CMTM8: variants seen among roughly 807,000 people sequenced by gnomAD.
The protein encoded by CMTM8 is CKLF-like MARVEL transmembrane domain-containing protein 8.
A neutral mutation model predicts 18.6 loss-of-function variants in CMTM8; 12 were observed. The ratio of observed to expected loss-of-function variants is 0.65; its 90% CI spans 0.41 to 1.05. The LOEUF is 1.05. CMTM8 is among the 50% of genes least tolerant of loss of function. The probability of loss-of-function intolerance (pLI) is 0.00; values close to 1 mark genes in which losing one functional copy is unlikely to be tolerated. For missense variants in CMTM8, 217 were observed against 227.2 expected (o/e 0.95, Z 0.29); for synonymous variants, 87 against 90.6 (o/e 0.96, Z 0.23).
intron 1 of CMTM8, among the ~76,000 whole-genome samples, chr3:32,336,455 G>A (rs1434181163): frequency 6.6e-6 from 1 of 152,242 alleles, no homozygotes; most frequent in Non-Finnish European, 1.5e-5. Flanking sequence ...TTCAGCCAGG[G>A]CTCCAGCAGC....
intron 1 of CMTM8, chr3:32,259,099 T>C (rs1702216998): frequency 2.6e-6 from 1 of 391,710 alleles, no homozygotes; most frequent in Non-Finnish European, 4.9e-6. Flanking sequence ...CACCGTGTCC[T>C]GCTCCACCAG....
chr3:32,298,957 T>TATATA (rs34793108), intron 1 of CMTM8, among the ~76,000 whole-genome samples: 3 of 111,774 alleles, frequency 2.7e-5, no homozygotes, highest in African/African-American at 9.8e-5. Flanking sequence ...ATATATATAT[T>TATATA]TTTTTTTTTT....
rs1395750514 is a variant in CMTM8 at position 32,358,402 on chromosome 3, G to C, written c.321+856G>C. Among the ~76,000 whole-genome samples the C allele has an allele frequency of 1.3e-5, 2 of 152,204 alleles. No individual in the cohort carries two copies. Among genetic ancestry groups the C allele is most frequent in the Non-Finnish European group, 2.9e-5 (2 of 68,036 alleles). ...TAAATGATTTACAAAAAAAATCCCA[G>C]TGGTACCACATGTGTTTATGTATAA... On this transcript the variant is annotated intron_variant, in intron 2 of 3. Transcript: ENST00000307526. The surrounding 1 kb of genome is among the most constrained non-coding windows in gnomAD (Gnocchi z 4.1).
At chr3:32,365,137 A>C (rs1305420034) in intron 2 of CMTM8, among the ~76,000 whole-genome samples, 1 of 152,172 alleles carries the variant, frequency 6.6e-6, no homozygotes, top group Non-Finnish European at 1.5e-5. Flanking sequence ...CTTAGATAGG[A>C]GTAAACTCTC....
chr3:32,348,687 G>A (rs1406468595), intron 1 of CMTM8, among the ~76,000 whole-genome samples: 2 of 151,770 alleles, frequency 1.3e-5, no homozygotes, highest in Non-Finnish European at 2.9e-5. Flanking sequence ...TTTTGGTAGA[G>A]ATGGGGTTTT....
At chr3:32,263,287 A>T (rs11710883) in intron 1 of CMTM8, among the ~76,000 whole-genome samples, 151,421 of 152,292 alleles carry the variant, frequency 0.99, 75,291 homozygotes, top group Middle Eastern at 1. Context: ...CAACGTTTGC[A>T]TTTCACCAAT....
At chr3:32,291,819 A>G (rs1702783486) in intron 1 of CMTM8, among the ~76,000 whole-genome samples, 1 of 152,342 alleles carries the variant, frequency 6.6e-6, no homozygotes, top group South Asian at 2.1e-4. Context: ...CTGGGTCCCA[A>G]GCCCTGCCTC....
chr3:32,332,041 C>T (rs942506074), intron 1 of CMTM8, among the ~76,000 whole-genome samples: 2 of 150,114 alleles, frequency 1.3e-5, no homozygotes, highest in African/African-American at 2.5e-5. Context: ...CACACGCGCA[C>T]ACACACACAC....
At chr3:32,282,311 A>T (rs564539279) in intron 1 of CMTM8, among the ~76,000 whole-genome samples, 1 of 152,314 alleles carries the variant, frequency 6.6e-6, no homozygotes, top group South Asian at 2.1e-4. Flanking sequence ...ATTAAAAGAG[A>T]TTTATGAGAT....
intron 3 of CMTM8, among the ~76,000 whole-genome samples, chr3:32,369,633 T>A (rs538436844): frequency 6.6e-6 from 1 of 152,324 alleles, no homozygotes; most frequent in South Asian, 2.1e-4. Context: ...GCCGCCGTAT[T>A]CACTCCTAAG....
intron 1 of CMTM8, among the ~76,000 whole-genome samples, chr3:32,285,987 G>A (rs529174534): frequency 1.5e-3 from 221 of 152,300 alleles, no homozygotes; most frequent in Non-Finnish European, 2.4e-3. Flanking sequence ...CTGCAGTTAG[G>A]TCAATACCTC....
At chr3:32,308,190 A>G (rs764369543) in intron 1 of CMTM8, among the ~76,000 whole-genome samples, 21 of 152,338 alleles carry the variant, frequency 1.4e-4, no homozygotes, top group Non-Finnish European at 5.9e-5. Flanking sequence ...CTAATTTAGC[A>G]CAGGGAGGCG....
intron 1 of CMTM8, among the ~76,000 whole-genome samples, chr3:32,337,338 G>T (rs575712995): frequency 1.3e-5 from 2 of 152,300 alleles, no homozygotes; most frequent in East Asian, 3.9e-4. Context: ...CACCAGCCAG[G>T]CCTGCACGGA....
chr3:32,328,473 C>T (rs1696209138), intron 1 of CMTM8, among the ~76,000 whole-genome samples: 1 of 56,202 alleles, frequency 1.8e-5, no homozygotes, highest in Non-Finnish European at 4.9e-5. Context: ...CTGCAGTGAG[C>T]TCTGATCGTG....
intron 1 of CMTM8, among the ~76,000 whole-genome samples, chr3:32,277,400 C>CT (rs558094691): frequency 0.025 from 3,734 of 147,958 alleles, 137 homozygotes; most frequent in African/African-American, 0.082. Flanking sequence ...TTTTATTTTC[C>CT]TTTTTTTTTT....
intron 1 of CMTM8, among the ~76,000 whole-genome samples, chr3:32,312,286 T>A (rs1474280886): frequency 1.3e-5 from 2 of 152,134 alleles, no homozygotes; most frequent in Non-Finnish European, 1.5e-5. Flanking sequence ...GGGGCCCGCA[T>A]CCCTCAGATA....
chr3:32,241,437 G>A (rs1701945215), intron 1 of CMTM8, among the ~76,000 whole-genome samples: 1 of 152,158 alleles, frequency 6.6e-6, no homozygotes, highest in Non-Finnish European at 1.5e-5. Flanking sequence ...TCTTTTCCCA[G>A]GCTAATGATA....
At chr3:32,348,164 T>C (rs1172586223) in intron 1 of CMTM8, among the ~76,000 whole-genome samples, 1 of 152,214 alleles carries the variant, frequency 6.6e-6, no homozygotes, top group Admixed American at 6.5e-5. Flanking sequence ...TGATAATTTT[T>C]GCCAAGTAAT....
chr3:32,283,726 A>G (rs1702638514), intron 1 of CMTM8, among the ~76,000 whole-genome samples: 1 of 152,068 alleles, frequency 6.6e-6, no homozygotes, highest in African/African-American at 2.4e-5. Context: ...CACCCTCCAC[A>G]CTTGGAGAAC....
Sources: gnomAD v4.1 joint callset for allele counts (sites outside exome capture counted in the v4.1 genomes callset) on GRCh38, gnomAD v4.1.1 for gene constraint, Gnocchi (gnomAD v3.1) non-coding constraint, MANE v1.5 for transcripts, NCBI Gene and HGNC (gene_info 2026-07-23, HGNC 2026-07-21) for gene names.